The following SYT16 variants were observed in gnomAD, a reference collection of about 807,000 sequenced individuals.
The protein encoded by SYT16 is synaptotagmin 16.
SYT16 carries 42 observed loss-of-function variants against 61.4 expected under a neutral mutation model. The observed-to-expected ratio is 0.68, with a 90% CI of 0.53 to 0.89. The LOEUF (loss-of-function observed/expected upper bound fraction) is 0.89. Ranked by LOEUF, SYT16 falls within the 40% of genes least tolerant of loss-of-function variation. The probability of loss-of-function intolerance (pLI) is 0.00; values close to 1 mark genes in which losing one functional copy is unlikely to be tolerated. For missense variants in SYT16, 804 were observed against 807.3 expected, an observed-to-expected ratio of 1.00 and a Z score of 0.05; for synonymous variants, 314 against 302.3, an observed-to-expected ratio of 1.04 and a Z score of -0.40.
chr14:62,048,209 G>C (rs112382263), intron 3 of SYT16, among the ~76,000 whole-genome samples: 1 of 152,180 alleles, frequency 6.6e-6, no homozygotes, highest in Non-Finnish European at 1.5e-5. Flanking sequence ...TCTTGGGAGG[G>C]TGTATGTGTC....
intron 1 of SYT16, among the ~76,000 whole-genome samples, chr14:61,904,780 C>T (rs1435789099): frequency 6.6e-6 from 1 of 152,210 alleles, no homozygotes; most frequent in African/African-American, 2.4e-5. Context: ...ACTTTTGTCA[C>T]ATGTATAATA....
chr14:61,858,120 CAAAAAAAAAA>C (rs34781118), intron 1 of SYT16, among the ~76,000 whole-genome samples: 2 of 43,224 alleles, frequency 4.6e-5, no homozygotes, highest in Admixed American at 3.7e-4. Context: ...CACAGCTTGG[CAAAAAAAAAA>C]AAAAAAAAAA....
intron 4 of SYT16, among the ~76,000 whole-genome samples, chr14:62,073,094 G>C (rs1445489981): frequency 6.6e-6 from 1 of 152,088 alleles, no homozygotes; most frequent in Non-Finnish European, 1.5e-5. Context: ...TTGTACCCCA[G>C]ATTTGCTTCT....
intron 1 of SYT16, among the ~76,000 whole-genome samples, chr14:61,968,948 TTTTTG>T (rs1555363768): frequency 6.6e-6 from 1 of 152,200 alleles, no homozygotes; most frequent in South Asian, 2.1e-4. Flanking sequence ...TTGCCTGCTA[TTTTTG>T]TTTTGTTTTG....
intron 3 of SYT16, among the ~76,000 whole-genome samples, chr14:62,063,534 A>G (rs960535067): frequency 2.2e-4 from 34 of 152,258 alleles, no homozygotes; most frequent in African/African-American, 7.7e-4. Context: ...ACTCGCAAAT[A>G]TAATATCCCA....
chr14:61,828,130 C>G lies in SYT16; in HGVS notation c.-325+15320C>G, dbSNP rs754467654. ...AGGAAGAAGATGGCCGCCTACAAGC[C>G]AAAGAGAGAGGCTTCAGAAGAGACC... On this transcript the variant is annotated intron_variant, in intron 1 of 7. Coordinates refer to ENST00000683842, the MANE Select transcript of SYT16 (RefSeq NM_001367656.1). Among the ~76,000 whole-genome samples the G allele has an allele frequency of 8.4e-4, 128 of 152,244 alleles. 1 individual carries two copies. Among genetic ancestry groups the G allele is most frequent in the Admixed American group, 5.0e-3 (77 of 15,296 alleles).
At chr14:61,989,559 C>A (rs1269767570) in intron 2 of SYT16, among the ~76,000 whole-genome samples, 4 of 152,044 alleles carry the variant, frequency 2.6e-5, no homozygotes, top group Non-Finnish European at 5.9e-5. Flanking sequence ...CAAGACTCCA[C>A]CTCAAAAACA....
At chr14:61,915,050 C>T (rs2049068307) in intron 1 of SYT16, among the ~76,000 whole-genome samples, 1 of 152,156 alleles carries the variant, frequency 6.6e-6, no homozygotes, top group South Asian at 2.1e-4. Flanking sequence ...CTATCACTCT[C>T]CATGCCTCAA....
chr14:62,000,374 A>G (rs2052961704), intron 3 of SYT16, among the ~76,000 whole-genome samples: 1 of 151,684 alleles, frequency 6.6e-6, no homozygotes, highest in Non-Finnish European at 1.5e-5. Flanking sequence ...TGATATTAAT[A>G]CAGCTGCTCC....
At chr14:61,820,752 C>T (rs931359016) in intron 1 of SYT16, among the ~76,000 whole-genome samples, 3 of 151,958 alleles carry the variant, frequency 2.0e-5, no homozygotes, top group African/African-American at 4.8e-5. Context: ...GAGTTGAATG[C>T]CCTCCTGGCT....
intron 1 of SYT16, among the ~76,000 whole-genome samples, chr14:61,911,693 G>T (rs1398107774): frequency 6.6e-6 from 1 of 152,174 alleles, no homozygotes; most frequent in Admixed American, 6.5e-5. Flanking sequence ...CTTAGCAACA[G>T]ACTTTTTTAT....
chr14:62,023,975 C>G (rs928068884), intron 3 of SYT16, among the ~76,000 whole-genome samples: 12 of 151,978 alleles, frequency 7.9e-5, no homozygotes, highest in African/African-American at 2.7e-4. Context: ...TTGTGTTTAT[C>G]TAATATAAAA....
intron 1 of SYT16, among the ~76,000 whole-genome samples, chr14:61,820,641 C>T (rs2045592641): frequency 6.6e-6 from 1 of 151,918 alleles, no homozygotes; most frequent in Admixed American, 6.6e-5. Flanking sequence ...GCCACCATGC[C>T]CAGCTAACTT....
intron 1 of SYT16, among the ~76,000 whole-genome samples, chr14:61,877,155 T>A (rs2047528332): frequency 6.6e-6 from 1 of 152,144 alleles, no homozygotes; most frequent in Non-Finnish European, 1.5e-5. Flanking sequence ...CTTCGGGAGC[T>A]GGTCCTTGGG....
chr14:61,827,876 A>G (rs956337361), intron 1 of SYT16, among the ~76,000 whole-genome samples: 6 of 152,174 alleles, frequency 3.9e-5, no homozygotes, highest in Admixed American at 3.3e-4. Context: ...TATTATATTC[A>G]TATTCTCTGA....
intron 1 of SYT16, among the ~76,000 whole-genome samples, chr14:61,836,595 G>A (rs1347394067): frequency 2.6e-5 from 4 of 152,004 alleles, no homozygotes; most frequent in Admixed American, 6.5e-5. Context: ...TTTTTCTCTA[G>A]AGTGATTTAC....
chr14:61,962,048 T>C (rs1352680712), intron 1 of SYT16, among the ~76,000 whole-genome samples: 2 of 152,106 alleles, frequency 1.3e-5, no homozygotes, highest in Non-Finnish European at 2.9e-5. Context: ...TTCTTACTTA[T>C]AAGTGAGAGC....
At chr14:61,894,660 C>G (rs1359907489) in intron 1 of SYT16, among the ~76,000 whole-genome samples, 1 of 152,080 alleles carries the variant, frequency 6.6e-6, no homozygotes. Context: ...AAGTGTGCCG[C>G]TAGGTGGCGT....
At chr14:62,035,577 G>A (rs895357409) in intron 3 of SYT16, among the ~76,000 whole-genome samples, 1 of 152,122 alleles carries the variant, frequency 6.6e-6, no homozygotes, top group African/African-American at 2.4e-5. Flanking sequence ...AACTAAATTT[G>A]ATTAACAGGG....
Sources: gnomAD v4.1 joint callset for allele counts (sites outside exome capture counted in the v4.1 genomes callset) on GRCh38, gnomAD v4.1.1 for gene constraint, MANE v1.5 for transcripts, NCBI Gene and HGNC (gene_info 2026-07-23, HGNC 2026-07-21) for gene names.